The following FGGY variants were observed in gnomAD, a reference collection of about 807,000 sequenced individuals.
FGGY encodes the protein FGGY carbohydrate kinase domain-containing protein.
A neutral mutation model predicts 71.3 loss-of-function variants in FGGY; 72 were observed. That is an observed-to-expected ratio of 1.01 (90% confidence interval 0.84 to 1.23). The LOEUF is 1.23. FGGY is among the 50% of genes most tolerant of loss of function. The pLI, the probability that FGGY is intolerant of heterozygous loss-of-function variation, is 0.00. For synonymous variants in FGGY, 251 were observed against 250.3 expected, an observed-to-expected ratio of 1.00 and a Z score of -0.02; for missense variants, 668 against 682.3, an observed-to-expected ratio of 0.98 and a Z score of 0.23.
chr1:59,485,177 C>T (rs916239789), intron 6 of FGGY, among the ~76,000 whole-genome samples: 7 of 151,686 alleles, frequency 4.6e-5, no homozygotes, highest in South Asian at 2.1e-4. Flanking sequence ...TACCAGTAGT[C>T]CAGAGAATGC....
intron 6 of FGGY, among the ~76,000 whole-genome samples, chr1:59,472,974 C>A (rs976392260): frequency 1.3e-5 from 2 of 152,146 alleles, no homozygotes; most frequent in Non-Finnish European, 2.9e-5. Context: ...TGTAAACGCA[C>A]CAATCAGCAC....
At chr1:59,409,454 G>T (rs971878370) in intron 5 of FGGY, among the ~76,000 whole-genome samples, 1 of 152,148 alleles carries the variant, frequency 6.6e-6, no homozygotes, top group African/African-American at 2.4e-5. Flanking sequence ...GGAGCAAGAG[G>T]CATAAGGAGG....
At chr1:59,457,562 T>G (rs1055890856) in intron 6 of FGGY, among the ~76,000 whole-genome samples, 1 of 151,912 alleles carries the variant, frequency 6.6e-6, no homozygotes, top group Non-Finnish European at 1.5e-5. Context: ...TGCAGTGAGC[T>G]GAGATCGTGC....
chr1:59,298,590 C>T (rs986539555), intron 1 of FGGY, among the ~76,000 whole-genome samples: 3 of 152,166 alleles, frequency 2.0e-5, no homozygotes, highest in Non-Finnish European at 4.4e-5. Context: ...TAACCTTTCA[C>T]TTATTAGTTT....
chr1:59,424,376 G>A (rs998242818), intron 5 of FGGY, among the ~76,000 whole-genome samples: 3 of 152,150 alleles, frequency 2.0e-5, no homozygotes, highest in Non-Finnish European at 2.9e-5. Flanking sequence ...GTGAAACCCC[G>A]TCTCTATTAA....
At chr1:59,584,556 C>T (rs912033437) in intron 8 of FGGY, among the ~76,000 whole-genome samples, 1 of 149,976 alleles carries the variant, frequency 6.7e-6, no homozygotes, top group Admixed American at 6.6e-5. Flanking sequence ...AACCCACAGC[C>T]AATATCATAC....
At chr1:59,544,877 C>T (rs1303164846) in intron 7 of FGGY, among the ~76,000 whole-genome samples, 1 of 152,218 alleles carries the variant, frequency 6.6e-6, no homozygotes, top group East Asian at 1.9e-4. Flanking sequence ...TTTGTACCAT[C>T]TGGCTATTTT....
chr1:59,332,909 C>T (rs935930470), intron 2 of FGGY, among the ~76,000 whole-genome samples: 1 of 152,120 alleles, frequency 6.6e-6, no homozygotes, highest in African/African-American at 2.4e-5. Context: ...TCCATGAACA[C>T]AATAAGGCAT....
chr1:59,595,611 A>G (rs1386592745), intron 8 of FGGY, among the ~76,000 whole-genome samples: 1 of 152,032 alleles, frequency 6.6e-6, no homozygotes, highest in Non-Finnish European at 1.5e-5. Context: ...AATCCTTTGA[A>G]CCCAGGAGGC....
At position 59,466,989 on chromosome 1, in the gene FGGY, A is replaced by G. The variant is rs143462231; in HGVS notation, c.670+9913A>G. 3.1e-3 allele frequency among the ~76,000 whole-genome samples: 468 copies of G among 152,232 alleles called. 1 individual carries two copies. The highest frequency in any genetic ancestry group is 5.2e-3 in the Non-Finnish European group (357 of 68,026). Reference sequence around the variant, plus strand: ...ACTAGAAATACCATTTGACCCAGCGATTCCATTACTGGGTATATACCCACG... The same window carrying G: ...ACTAGAAATACCATTTGACCCAGCGGTTCCATTACTGGGTATATACCCACG... On this transcript the variant is annotated intron_variant, in intron 6 of 15. Transcript: ENST00000303721.
intron 9 of FGGY, among the ~76,000 whole-genome samples, chr1:59,623,766 A>G (rs918056461): frequency 1.1e-4 from 16 of 152,156 alleles, no homozygotes; most frequent in Admixed American, 4.6e-4. Context: ...GCTATGCATC[A>G]TAACTATTTC....
intron 8 of FGGY, among the ~76,000 whole-genome samples, chr1:59,569,434 A>G (rs778201673): frequency 6.6e-6 from 1 of 152,216 alleles, no homozygotes; most frequent in African/African-American, 2.4e-5. Context: ...GTGGTATTTT[A>G]TACCCATTCC....
chr1:59,748,595 A>G (rs1006610871), intron 14 of FGGY, among the ~76,000 whole-genome samples: 1 of 152,218 alleles, frequency 6.6e-6, no homozygotes, highest in African/African-American at 2.4e-5. Flanking sequence ...ACATCTGCAT[A>G]AACTCCATCC....
intron 6 of FGGY, among the ~76,000 whole-genome samples, chr1:59,510,425 A>G (rs2094492184): frequency 6.6e-6 from 1 of 152,220 alleles, no homozygotes; most frequent in African/African-American, 2.4e-5. Flanking sequence ...GATACTAGCC[A>G]TAGTGACATA....
chr1:59,370,814 T>C (rs2057474049), intron 4 of FGGY, among the ~76,000 whole-genome samples: 1 of 151,422 alleles, frequency 6.6e-6, no homozygotes, highest in East Asian at 1.9e-4. Flanking sequence ...TTAAGCTTCA[T>C]AAGTGAAGGA....
intron 7 of FGGY, among the ~76,000 whole-genome samples, chr1:59,535,926 G>A (rs1359246186): frequency 4.7e-5 from 7 of 147,642 alleles, no homozygotes; most frequent in Non-Finnish European, 1.0e-4. Flanking sequence ...AAAAGAACTA[G>A]AAAAGCAAGA....
At chr1:59,671,256 C>G (rs945346090) in intron 13 of FGGY, among the ~76,000 whole-genome samples, 3 of 152,212 alleles carry the variant, frequency 2.0e-5, no homozygotes, top group African/African-American at 7.2e-5. Flanking sequence ...GGAACAGATA[C>G]ACACTCCAGT....
intron 8 of FGGY, among the ~76,000 whole-genome samples, chr1:59,561,063 C>T (rs901746911): frequency 6.6e-6 from 1 of 152,190 alleles, no homozygotes; most frequent in Non-Finnish European, 1.5e-5. Context: ...GGAGACAGCA[C>T]AGTCATGTAT....
chr1:59,727,708 A>G (rs1219695147), intron 14 of FGGY, among the ~76,000 whole-genome samples: 2 of 152,194 alleles, frequency 1.3e-5, no homozygotes, highest in East Asian at 3.8e-4. Flanking sequence ...TCTAAAGTTC[A>G]TATGGAGCCA....
Sources: allele counts gnomAD v4.1 joint callset (sites outside exome capture counted in the v4.1 genomes callset), GRCh38; gene constraint gnomAD v4.1.1; transcripts MANE v1.5; gene names NCBI Gene and HGNC (gene_info 2026-07-23, HGNC 2026-07-21).